The following ZHX2 variants were observed in gnomAD, a reference collection of about 807,000 sequenced individuals.
The protein encoded by ZHX2 is zinc fingers and homeoboxes 2.
A neutral mutation model predicts 21.9 loss-of-function variants in ZHX2; 6 were observed. That is an observed-to-expected ratio of 0.27 (90% confidence interval 0.15 to 0.54). The LOEUF (loss-of-function observed/expected upper bound fraction) is 0.54, where lower values mean the gene tolerates loss of function less well. Among genes scored for constraint, ZHX2 ranks in the 20% least tolerant of loss-of-function variants. The probability of loss-of-function intolerance (pLI) is 0.95; values close to 1 mark genes in which losing one functional copy is unlikely to be tolerated. For missense variants in ZHX2, 908 were observed against 1,090.7 expected (o/e 0.83, Z 2.36); for synonymous variants, 434 against 437.1 (o/e 0.99, Z 0.09).
intron 2 of ZHX2, among the ~76,000 whole-genome samples, chr8:122,874,004 A>T (rs1819507756): frequency 6.6e-6 from 1 of 152,194 alleles, no homozygotes; most frequent in African/African-American, 2.4e-5. Flanking sequence ...GATAATCCAG[A>T]ATAATCTGTT....
intron 1 of ZHX2, among the ~76,000 whole-genome samples, chr8:122,802,141 A>G (rs1817731952): frequency 6.6e-6 from 1 of 152,054 alleles, no homozygotes; most frequent in Non-Finnish European, 1.5e-5. Context: ...TCAGCTCACT[A>G]CAGCCTCCAC....
chr8:122,875,133 A>T (rs61537353), intron 2 of ZHX2, among the ~76,000 whole-genome samples: 306 of 1,994 alleles, frequency 0.15, 48 homozygotes, highest in African/African-American at 0.28. Context: ...ACTCTGTTAT[A>T]TATATATATA....
At chr8:122,903,134 T>C (rs897447102) in intron 2 of ZHX2, among the ~76,000 whole-genome samples, 2 of 152,232 alleles carry the variant, frequency 1.3e-5, no homozygotes, top group African/African-American at 4.8e-5. Context: ...CTTTTTTAGA[T>C]ATATTTATAA....
chr8:122,808,017 A>C (rs1399259293), intron 1 of ZHX2, among the ~76,000 whole-genome samples: 1 of 152,180 alleles, frequency 6.6e-6, no homozygotes, highest in African/African-American at 2.4e-5. Context: ...GGAGAGTTCA[A>C]ATGGCCTTAG....
intron 3 of ZHX2, among the ~76,000 whole-genome samples, chr8:122,966,593 C>A (rs778247536): frequency 6.6e-6 from 1 of 152,108 alleles, no homozygotes; most frequent in Non-Finnish European, 1.5e-5. Context: ...AGATTCTTTC[C>A]TTCATCTTGA....
At chr8:122,804,272 C>CTAATTT (rs1817781325) in intron 1 of ZHX2, among the ~76,000 whole-genome samples, 1 of 152,056 alleles carries the variant, frequency 6.6e-6, no homozygotes, top group South Asian at 2.1e-4. Context: ...CTGTGCCTGG[C>CTAATTT]TAATTTTTGT....
intron 2 of ZHX2, among the ~76,000 whole-genome samples, chr8:122,898,990 C>G (rs1563773515): frequency 6.6e-6 from 1 of 152,196 alleles, no homozygotes; most frequent in Non-Finnish European, 1.5e-5. Flanking sequence ...TTGCCCAATA[C>G]TCACTCACTG....
intron 2 of ZHX2, among the ~76,000 whole-genome samples, chr8:122,900,024 G>A (rs576028723): frequency 1.1e-3 from 164 of 152,240 alleles, no homozygotes; most frequent in Middle Eastern, 3.4e-3. Flanking sequence ...TTCAGCAGAG[G>A]CATTAATTTT....
intron 2 of ZHX2, among the ~76,000 whole-genome samples, chr8:122,942,846 G>T (rs189048094): frequency 6.6e-6 from 1 of 152,268 alleles, no homozygotes; most frequent in Non-Finnish European, 1.5e-5. Flanking sequence ...GGAACTGACG[G>T]TGGTAAGGAA....
intron 1 of ZHX2, chr8:122,810,694 CT>C (rs1327004275): frequency 1.3e-5 from 2 of 152,152 alleles, no homozygotes; most frequent in Non-Finnish European, 2.9e-5. Flanking sequence ...CTCCTCTCCC[CT>C]GGTGTCACAA....
chr8:122,817,942 C>T (rs954132141), intron 1 of ZHX2, among the ~76,000 whole-genome samples: 1 of 152,210 alleles, frequency 6.6e-6, no homozygotes, highest in Non-Finnish European at 1.5e-5. Context: ...ATGTCTCCCT[C>T]CTCCAGGAGG....
At chr8:122,895,279 A>T (rs539882229) in intron 2 of ZHX2, among the ~76,000 whole-genome samples, 60 of 152,332 alleles carry the variant, frequency 3.9e-4, no homozygotes, top group Non-Finnish European at 7.6e-4. Context: ...TTGCAATTAA[A>T]TTAGGTGACA....
chr8:122,904,810 A>G (rs1163110150), intron 2 of ZHX2, among the ~76,000 whole-genome samples: 1 of 152,240 alleles, frequency 6.6e-6, no homozygotes, highest in Non-Finnish European at 1.5e-5. Flanking sequence ...ATGAACGATT[A>G]AAGACAATAG....
At chr8:122,858,654 T>G (rs1819092309) in intron 1 of ZHX2, among the ~76,000 whole-genome samples, 2 of 148,468 alleles carry the variant, frequency 1.3e-5, no homozygotes. Context: ...TTTTTTTTTT[T>G]TTTTGAGACA....
chr8:122,966,711 C>T (rs1270632938), intron 3 of ZHX2, among the ~76,000 whole-genome samples: 2 of 152,166 alleles, frequency 1.3e-5, no homozygotes, highest in African/African-American at 4.8e-5. Context: ...TCTAGCAAGA[C>T]CAGGGAAGTT....
chr8:122,788,782 G>T (rs1261236936), intron 1 of ZHX2, among the ~76,000 whole-genome samples: 3 of 152,150 alleles, frequency 2.0e-5, no homozygotes, highest in Non-Finnish European at 4.4e-5. Context: ...TCGTGCTTTG[G>T]GATAGTCTGA....
intron 2 of ZHX2, among the ~76,000 whole-genome samples, chr8:122,888,838 T>C (rs1819908075): frequency 6.6e-6 from 1 of 152,200 alleles, no homozygotes; most frequent in Non-Finnish European, 1.5e-5. Context: ...CACTAGAACT[T>C]AGTCCTCCTA....
chr8:122,909,411 T>C (rs1820423338), intron 2 of ZHX2, among the ~76,000 whole-genome samples: 1 of 149,074 alleles, frequency 6.7e-6, no homozygotes, highest in African/African-American at 2.5e-5. Flanking sequence ...CCAGCCTGGG[T>C]GACAGAGCAA....
intron 2 of ZHX2, among the ~76,000 whole-genome samples, chr8:122,883,744 T>C (rs1266785950): frequency 1.3e-5 from 2 of 152,270 alleles, no homozygotes; most frequent in Admixed American, 6.5e-5. Flanking sequence ...CGTTTGTTGG[T>C]GGAACCAAAT....
Sources: allele counts gnomAD v4.1 joint callset (sites outside exome capture counted in the v4.1 genomes callset), GRCh38; gene constraint gnomAD v4.1.1; transcripts MANE v1.5; gene names NCBI Gene and HGNC (gene_info 2026-07-23, HGNC 2026-07-21).